CACNA2D1: variants seen among roughly 807,000 people sequenced by gnomAD.
CACNA2D1 encodes calcium voltage-gated channel auxiliary subunit alpha2delta 1.
In CACNA2D1, 53 loss-of-function variants were observed where a neutral mutation model predicts 171.5. The observed-to-expected ratio is 0.31, with a 90% CI of 0.25 to 0.39. The LOEUF is 0.39. CACNA2D1 is among the 10% of genes least tolerant of loss of function. The pLI, the probability that CACNA2D1 is intolerant of heterozygous loss-of-function variation, is 1.00. For missense variants in CACNA2D1, 903 were observed against 1,299.8 expected, an observed-to-expected ratio of 0.69 and a Z score of 4.69; for synonymous variants, 442 against 443.1, an observed-to-expected ratio of 1.00 and a Z score of 0.03.
At chr7:82,058,714 GTAGA>G (rs1236828682) in intron 10 of CACNA2D1, among the ~76,000 whole-genome samples, 1 of 152,158 alleles carries the variant, frequency 6.6e-6, no homozygotes, top group Non-Finnish European at 1.5e-5. Context: ...TTCAGATGAA[GTAGA>G]TAGAGGCCTC....
At chr7:82,277,827 C>T (rs181559134) in intron 3 of CACNA2D1, among the ~76,000 whole-genome samples, 42 of 147,582 alleles carry the variant, frequency 2.8e-4, no homozygotes, top group African/African-American at 1.0e-3. Context: ...CTCACAGCAA[C>T]CTCCACCTCC....
chr7:82,178,116 T>C (rs753726182), intron 3 of CACNA2D1, among the ~76,000 whole-genome samples: 8 of 152,116 alleles, frequency 5.3e-5, no homozygotes, highest in Non-Finnish European at 1.2e-4. Flanking sequence ...CTTGCTGAAA[T>C]AAAGCCAGTC....
At position 82,066,443 on chromosome 7, in the gene CACNA2D1, A is replaced by G; in HGVS notation, c.728+12T>C. On this transcript the variant is annotated intron_variant, in intron 8 of 38. Coordinates refer to ENST00000356860, the MANE Select transcript of CACNA2D1 (RefSeq NM_000722.4). ...CTATTTTATCTTTTCATGGCTAGCT[A>G]AAAATTCTTACCATGGTCTTCTGCG... 2 of 1,611,470 alleles carry G rather than the reference A, an allele frequency of 1.2e-6. No individual in the cohort carries two copies. The highest frequency in any genetic ancestry group is 1.7e-6 in the Non-Finnish European group (2 of 1,178,812).
chr7:82,287,425 TC>T (rs1281477569), intron 3 of CACNA2D1, among the ~76,000 whole-genome samples: 2 of 152,146 alleles, frequency 1.3e-5, no homozygotes, highest in Non-Finnish European at 2.9e-5. Flanking sequence ...CACATTGAAT[TC>T]TATTATATCT....
chr7:82,269,871 C>G (rs1416520320), intron 3 of CACNA2D1, among the ~76,000 whole-genome samples: 1 of 152,212 alleles, frequency 6.6e-6, no homozygotes, highest in Admixed American at 6.5e-5. Flanking sequence ...AGTAGATGAA[C>G]AATGTTACCA....
chr7:82,149,936 T>G (rs375916062), intron 4 of CACNA2D1, among the ~76,000 whole-genome samples: 7 of 151,702 alleles, frequency 4.6e-5, no homozygotes, highest in Admixed American at 3.3e-4. Context: ...CAGCCTGGGC[T>G]ACAGAGCAAG....
intron 3 of CACNA2D1, among the ~76,000 whole-genome samples, chr7:82,208,874 T>C (rs1048630055): frequency 6.6e-6 from 1 of 152,202 alleles, no homozygotes; most frequent in Admixed American, 6.6e-5. Context: ...GTAATACATA[T>C]CTTAACTAGC....
intron 10 of CACNA2D1, among the ~76,000 whole-genome samples, chr7:82,057,098 C>A (rs946005020): frequency 6.6e-6 from 1 of 152,104 alleles, no homozygotes; most frequent in African/African-American, 2.4e-5. Flanking sequence ...AACCATGGTG[C>A]TATGTGCTGA....
At chr7:82,276,788 C>T (rs1474271898) in intron 3 of CACNA2D1, among the ~76,000 whole-genome samples, 3 of 146,316 alleles carry the variant, frequency 2.1e-5, no homozygotes, top group Admixed American at 1.4e-4. Context: ...CTCATTCTGT[C>T]GCCAGGCTTT....
intron 3 of CACNA2D1, among the ~76,000 whole-genome samples, chr7:82,206,196 G>A (rs1799988219): frequency 6.6e-6 from 1 of 151,882 alleles, no homozygotes; most frequent in South Asian, 2.1e-4. Flanking sequence ...CAAGCTCAGT[G>A]TGAATCAATT....
intron 3 of CACNA2D1, among the ~76,000 whole-genome samples, chr7:82,306,410 T>C (rs772039918): frequency 3.9e-5 from 6 of 152,112 alleles, no homozygotes; most frequent in Admixed American, 6.5e-5. Context: ...CAAGAAGAAA[T>C]TGTGTCTTAA....
At chr7:81,987,450 AC>A (rs1797088394) in intron 21 of CACNA2D1, among the ~76,000 whole-genome samples, 1 of 152,190 alleles carries the variant, frequency 6.6e-6, no homozygotes, top group Non-Finnish European at 1.5e-5. Context: ...ACTATAACAC[AC>A]TTTTCAACTC....
At chr7:82,405,617 CATAAT>C (rs1826943840) in intron 1 of CACNA2D1, among the ~76,000 whole-genome samples, 1 of 152,066 alleles carries the variant, frequency 6.6e-6, no homozygotes, top group Non-Finnish European at 1.5e-5. Flanking sequence ...GACAAGTATA[CATAAT>C]ATATGTACTT....
chr7:82,250,155 T>TCATGAGG (rs1384106671), intron 3 of CACNA2D1, among the ~76,000 whole-genome samples: 9 of 152,310 alleles, frequency 5.9e-5, no homozygotes, highest in Admixed American at 5.9e-4. Context: ...ATTAATCCAT[T>TCATGAGG]CATGAGGTCT....
chr7:82,202,528 C>A (rs376947201), intron 3 of CACNA2D1, among the ~76,000 whole-genome samples: 1 of 152,118 alleles, frequency 6.6e-6, no homozygotes, highest in Non-Finnish European at 1.5e-5. Flanking sequence ...ATGGAGAAGG[C>A]GCTGAAACAG....
At chr7:82,400,036 GCT>G (rs967325591) in intron 1 of CACNA2D1, among the ~76,000 whole-genome samples, 5 of 151,542 alleles carry the variant, frequency 3.3e-5, no homozygotes, top group African/African-American at 1.2e-4. Context: ...ATTTCTGAGG[GCT>G]CTGTTCTGTT....
intron 3 of CACNA2D1, among the ~76,000 whole-genome samples, chr7:82,255,476 T>C (rs1344435512): frequency 3.3e-5 from 5 of 152,196 alleles, no homozygotes; most frequent in Non-Finnish European, 7.3e-5. Flanking sequence ...TAATAATTGG[T>C]ATACCAACAC....
intron 3 of CACNA2D1, among the ~76,000 whole-genome samples, chr7:82,273,377 A>G (rs999706327): frequency 4.0e-5 from 6 of 151,778 alleles, no homozygotes; most frequent in Admixed American, 1.3e-4. Flanking sequence ...GTTCTTCTAA[A>G]TTAGTCATAG....
rs1184680719 is a variant in CACNA2D1 at position 82,246,225 on chromosome 7, A to G, written c.295-75616T>C. Reference sequence around the variant, plus strand: ...TGTCTTTGCATATATAGATATGTATATATCTATATATATATCTTTATATAT... The same window carrying G: ...TGTCTTTGCATATATAGATATGTATGTATCTATATATATATCTTTATATAT... On this transcript the variant is annotated intron_variant, in intron 3 of 38. Transcript: ENST00000356860. Among the ~76,000 whole-genome samples, 3 of 145,704 alleles carry G rather than the reference A, an allele frequency of 2.1e-5. No individual in the cohort carries two copies. The South Asian group carries it at 6.3e-4, about 31-fold the overall frequency.
Sources: allele counts gnomAD v4.1 joint callset (sites outside exome capture counted in the v4.1 genomes callset), GRCh38; gene constraint gnomAD v4.1.1; transcripts MANE v1.5; gene names NCBI Gene and HGNC (gene_info 2026-07-23, HGNC 2026-07-21).